Variants in NUP210L observed in about 807,000 individuals in gnomAD.
The protein encoded by NUP210L is nucleoporin 210 like, also known as nuclear pore membrane glycoprotein 210-like.
NUP210L carries 74 observed loss-of-function variants against 208.5 expected under a neutral mutation model. The observed-to-expected ratio is 0.35, with a 90% CI of 0.29 to 0.43. The LOEUF is 0.43. NUP210L is among the 20% of genes least tolerant of loss of function. NUP210L has a pLI of 1.00. For synonymous variants in NUP210L, 780 were observed against 816.9 expected (o/e 0.95, Z 0.77); for missense variants, 1,843 against 2,289.4 (o/e 0.81, Z 3.98).
At chr1:154,139,680 AAACAAAC>A in intron 5 of NUP210L, 115 bp downstream of exon 5, 1 of 761,650 alleles carries the variant, frequency 1.3e-6, no homozygotes, top group East Asian at 2.7e-5. Flanking sequence ...AAAAACAAAC[AAACAAAC>A]AAAAAAAAAA....
chr1:153,994,684 G>A (rs1245695762), intron 38 of NUP210L, among the ~76,000 whole-genome samples: 1 of 151,878 alleles, frequency 6.6e-6, no homozygotes, highest in Non-Finnish European at 1.5e-5. Flanking sequence ...AAAATTATAT[G>A]TGATAAGTGG....
At chr1:153,995,584 G>A (rs1649801651) in intron 37 of NUP210L, 3 of 775,018 alleles carry the variant, frequency 3.9e-6, no homozygotes, top group Admixed American at 3.5e-5. Context: ...TTAAAATGCT[G>A]GTTACCACTT....
chr1:154,152,577 G>T (rs1482493933), intron 2 of NUP210L, among the ~76,000 whole-genome samples, 159 bp downstream of exon 2: 14 of 150,770 alleles, frequency 9.3e-5, no homozygotes, highest in Non-Finnish European at 2.1e-4. Context: ...CTCCCAAAGT[G>T]CTGGGATTAA....
intron 29 of NUP210L, 73 bp downstream of exon 29, chr1:154,027,429 GTTCT>G: frequency 9.7e-7 from 1 of 1,034,186 alleles, no homozygotes; most frequent in Non-Finnish European, 1.5e-6. Context: ...AGGCAAAAGT[GTTCT>G]TTCTATGTCA....
At position 154,016,709 on chromosome 1, in the gene NUP210L, C is replaced by T. The variant is rs538584529; in HGVS notation, c.4653+2224G>A. ...CTGTAATCCCAGCACTTTGGGAGGCCGAGGCAGGCCTATCACTTGGGCTCA... is the reference window on the plus strand; with the variant it reads ...CTGTAATCCCAGCACTTTGGGAGGCTGAGGCAGGCCTATCACTTGGGCTCA... On this transcript the variant is annotated intron_variant, in intron 33 of 39. Transcript: ENST00000368559. Among the ~76,000 whole-genome samples, 91 of 152,024 alleles carry T rather than the reference C, an allele frequency of 6.0e-4. 2 individuals carry two copies. The South Asian group carries it at 0.017, about 29-fold the overall frequency.
chr1:154,154,718 C>T, intron 1 of NUP210L, 124 bp downstream of exon 1: 1 of 752,604 alleles, frequency 1.3e-6, no homozygotes, highest in South Asian at 1.7e-5. Flanking sequence ...CTCTCCTCCC[C>T]TACCGGCTAG....
chr1:153,998,564 A>AT (rs1323534805), intron 37 of NUP210L, among the ~76,000 whole-genome samples: 2 of 151,682 alleles, frequency 1.3e-5, no homozygotes, highest in East Asian at 3.9e-4. Context: ...AAAAAAAAAA[A>AT]AAAAAAAGGA....
At chr1:154,005,315 CTGGG>C (rs1650457587) in intron 35 of NUP210L, among the ~76,000 whole-genome samples, 1 of 152,012 alleles carries the variant, frequency 6.6e-6, no homozygotes, top group Non-Finnish European at 1.5e-5. Flanking sequence ...CCTCCGTCTC[CTGGG>C]TTCAAGCAAT....
At chr1:154,127,204 G>A in intron 9 of NUP210L, 107 bp downstream of exon 9, 2 of 452,860 alleles carry the variant, frequency 4.4e-6, no homozygotes, top group South Asian at 5.8e-5. Flanking sequence ...TAAAAATCTA[G>A]AATCAAAGAA....
intron 35 of NUP210L, among the ~76,000 whole-genome samples, chr1:154,007,108 G>GTGAGTCATCGCA: frequency 7.3e-6 from 1 of 137,306 alleles, no homozygotes; most frequent in South Asian, 2.4e-4. Context: ...GATTACAGGC[G>GTGAGTCATCGCA]CCCGCCACCA....
chr1:154,139,703 A>C (rs1658735855), intron 5 of NUP210L, 99 bp downstream of exon 5: 3 of 847,476 alleles, frequency 3.5e-6, no homozygotes, highest in African/African-American at 3.5e-5. Context: ...AAAAAAAAAA[A>C]CAGGGCGGGT....
intron 17 of NUP210L, among the ~76,000 whole-genome samples, chr1:154,069,109 G>C (rs1654571988): frequency 6.6e-6 from 1 of 152,032 alleles, no homozygotes; most frequent in African/African-American, 2.4e-5. Context: ...GAAAACCTAG[G>C]CAATACCATT....
chr1:154,016,831 C>A (rs747477874), intron 33 of NUP210L, among the ~76,000 whole-genome samples: 1 of 151,784 alleles, frequency 6.6e-6, no homozygotes, highest in Non-Finnish European at 1.5e-5. Flanking sequence ...CTGGGCATGG[C>A]GGCATGCACC....
chr1:154,008,118 C>T (rs1444400678), intron 35 of NUP210L, among the ~76,000 whole-genome samples: 1 of 147,440 alleles, frequency 6.8e-6, no homozygotes, highest in Non-Finnish European at 1.5e-5. Context: ...GTGATTTGTC[C>T]GCCATGGCCT....
exon 15 of NUP210L, chr1:154,095,003 A>C: frequency 1.2e-6 from 2 of 1,614,158 alleles, no homozygotes; most frequent in Non-Finnish European, 1.7e-6. Flanking sequence ...GATGGCAGCC[A>C]CACTTGTGCT....
At position 154,038,667 on chromosome 1, in the gene NUP210L, C is replaced by A. The variant is rs1445284037; in HGVS notation, c.3696+7402G>T. ...GCAGACACAGGGTTTTTTCATGTTG[C>A]CTAGCCTGGACTTGAACTCCTGAGC... On this transcript the variant is annotated intron_variant, in intron 27 of 39. Transcript: ENST00000368559. Among the ~76,000 whole-genome samples, 3 of 152,228 alleles carry A rather than the reference C, an allele frequency of 2.0e-5. No homozygotes were observed. In the East Asian group the frequency reaches 5.8e-4, roughly 29 times the overall value.
At chr1:154,059,438 T>C (rs1411928247) in intron 20 of NUP210L, among the ~76,000 whole-genome samples, 3 of 152,012 alleles carry the variant, frequency 2.0e-5, no homozygotes, top group Admixed American at 6.6e-5. Context: ...AAGGCTACAG[T>C]GAGCTATGAT....
chr1:154,103,766 A>G (rs1656607593), intron 13 of NUP210L, among the ~76,000 whole-genome samples: 1 of 152,138 alleles, frequency 6.6e-6, no homozygotes, highest in East Asian at 1.9e-4. Context: ...GGCCAGCTGC[A>G]ATGTTATTCA....
intron 18 of NUP210L, 31 bp from the exon 19 acceptor site, chr1:154,061,077 A>G: frequency 6.8e-7 from 1 of 1,480,796 alleles, no homozygotes; most frequent in Non-Finnish European, 9.4e-7. Flanking sequence ...ACAAAAGTGA[A>G]TATAAACATC....
Sources: gnomAD v4.1 joint callset for allele counts (sites outside exome capture counted in the v4.1 genomes callset) on GRCh38, gnomAD v4.1.1 for gene constraint, MANE v1.5 for transcripts, NCBI Gene and HGNC (gene_info 2026-07-23, HGNC 2026-07-21) for gene names.